The following MID1 variants were observed in gnomAD, a reference collection of about 807,000 sequenced individuals.
MID1 encodes the protein midline 1.
In MID1, 7 loss-of-function variants were observed where a neutral mutation model predicts 40.4. The ratio of observed to expected loss-of-function variants is 0.17; its 90% confidence interval spans 0.10 to 0.33. The LOEUF (loss-of-function observed/expected upper bound fraction) is 0.33. MID1 is among the 10% of genes least tolerant of loss of function. MID1 has a pLI of 1.00. For missense variants in MID1, 367 were observed against 558.5 expected (o/e 0.66, Z 3.46); for synonymous variants, 229 against 221.2 (o/e 1.04, Z -0.31).
At chrX:10,569,195 A>C (rs1222546197) in intron 1 of MID1, among the ~76,000 whole-genome samples, 1 of 112,301 alleles carries the variant, frequency 8.9e-6, no homozygotes, top group Non-Finnish European at 1.9e-5. Flanking sequence ...CTTGCTACCA[A>C]CTGAATGGTA....
At chrX:10,786,423 A>T (rs2147136160) in intron 1 of MID1, among the ~76,000 whole-genome samples, 1 of 111,280 alleles carries the variant, frequency 9.0e-6, no homozygotes, top group Admixed American at 9.5e-5. Context: ...TTCCTCAGGG[A>T]TCTACAACTA....
chrX:10,826,597 G>C (rs1034089380), intron 1 of MID1, among the ~76,000 whole-genome samples: 5 of 112,153 alleles, frequency 4.5e-5, no homozygotes, highest in Non-Finnish European at 9.4e-5. Context: ...ACTGCCTCAA[G>C]TCCTTTCTGT....
chrX:10,824,989 A>G (rs1401066106), intron 1 of MID1, among the ~76,000 whole-genome samples: 3 of 111,749 alleles, frequency 2.7e-5, no homozygotes, highest in African/African-American at 6.5e-5. Flanking sequence ...ACTCTCTCCC[A>G]CACGTTTTTC....
chrX:10,811,034 C>T (rs1351348534), intron 1 of MID1, among the ~76,000 whole-genome samples: 1 of 110,717 alleles, frequency 9.0e-6, no homozygotes, highest in African/African-American at 3.3e-5. Flanking sequence ...TCTCCTTTTC[C>T]TGGGGGCATT....
intron 1 of MID1, among the ~76,000 whole-genome samples, chrX:10,640,933 T>C (rs1356452100): frequency 1.3e-4 from 14 of 111,656 alleles, no homozygotes; most frequent in African/African-American, 4.2e-4. Flanking sequence ...CATAACGAAA[T>C]GAAGGCAGAA....
intron 1 of MID1, among the ~76,000 whole-genome samples, chrX:10,634,576 G>A (rs1361451259): frequency 9.1e-6 from 1 of 109,955 alleles, no homozygotes; most frequent in Non-Finnish European, 1.9e-5. Flanking sequence ...TTTAAAGCCT[G>A]TGCAATTTAG....
rs146658643 is a variant in MID1 at position 10,475,346 on chromosome X, T to C, written c.1014-596A>G. 8.0e-5 allele frequency among the ~76,000 whole-genome samples: 9 copies of C among 112,635 alleles called. No individual in the cohort carries two copies. The East Asian group carries it at 2.5e-3, about 31-fold the overall frequency. ...TCTTTGTATTCATTTTCTTGCACCA[T>C]ATTCCCAGCAGATGCTGTGGAAAAT... is the stretch of plus-strand genomic sequence containing the variant. On this transcript the variant is annotated intron_variant, in intron 5 of 9. Transcript: ENST00000317552.
intron 1 of MID1, among the ~76,000 whole-genome samples, chrX:10,573,420 T>A (rs1934791936): frequency 1.8e-5 from 2 of 111,915 alleles, no homozygotes; most frequent in African/African-American, 6.5e-5. Context: ...TGGGAACTAA[T>A]CCACTCCTGT....
At chrX:10,535,509 G>A (rs932649455) in intron 2 of MID1, among the ~76,000 whole-genome samples, 4 of 111,766 alleles carry the variant, frequency 3.6e-5, no homozygotes, top group East Asian at 5.6e-4. Flanking sequence ...AGTGCTTAGC[G>A]GGGAAACACT....
chrX:10,497,621 A>T (rs557688114), intron 3 of MID1, among the ~76,000 whole-genome samples: 47 of 112,087 alleles, frequency 4.2e-4, no homozygotes, highest in Middle Eastern at 9.2e-3. Flanking sequence ...TCCACGTGAC[A>T]TTGGGAGTTG....
At chrX:10,547,695 G>GA (rs1487217667) in intron 2 of MID1, among the ~76,000 whole-genome samples, 3 of 107,773 alleles carry the variant, frequency 2.8e-5, no homozygotes, top group African/African-American at 6.7e-5. Flanking sequence ...GAAAAGAAAA[G>GA]AAAAAACTAA....
chrX:10,637,218 A>C (rs1936128708), intron 1 of MID1, among the ~76,000 whole-genome samples: 1 of 111,175 alleles, frequency 9.0e-6, no homozygotes, highest in Non-Finnish European at 1.9e-5. Flanking sequence ...TTCTGTGTTC[A>C]CCAAAAAAAA....
chrX:10,556,131 T>A (rs1284354978), intron 2 of MID1, among the ~76,000 whole-genome samples: 1 of 110,931 alleles, frequency 9.0e-6, no homozygotes, highest in Non-Finnish European at 1.9e-5. Flanking sequence ...CCTGAGCTCG[T>A]CTGACTAGTC....
chrX:10,584,170 A>G (rs369865602), intron 1 of MID1, among the ~76,000 whole-genome samples: 1 of 111,684 alleles, frequency 9.0e-6, no homozygotes, highest in East Asian at 2.8e-4. Context: ...GGAAGAACCC[A>G]CTTCCACAAA....
intron 1 of MID1, among the ~76,000 whole-genome samples, chrX:10,803,482 A>G (rs950433323): frequency 9.2e-6 from 1 of 108,226 alleles, no homozygotes; most frequent in African/African-American, 3.4e-5. Flanking sequence ...CCTCCCAAGT[A>G]GCTGGGATTT....
At chrX:10,489,376 G>T (rs1930802668) in intron 4 of MID1, among the ~76,000 whole-genome samples, 1 of 112,176 alleles carries the variant, frequency 8.9e-6, no homozygotes, top group Admixed American at 9.4e-5. Context: ...TTTACATTTA[G>T]ATATATAATC....
chrX:10,567,922 A>T (rs1665764820), intron 1 of MID1, among the ~76,000 whole-genome samples: 2 of 112,192 alleles, frequency 1.8e-5, no homozygotes, highest in Admixed American at 1.9e-4. Flanking sequence ...GTATTTAATC[A>T]GAATAATCTT....
chrX:10,542,617 TG>T (rs1429726332), intron 2 of MID1, among the ~76,000 whole-genome samples: 1 of 112,063 alleles, frequency 8.9e-6, no homozygotes, highest in African/African-American at 3.2e-5. Context: ...ATGTAAAAAA[TG>T]ACCATAGATT....
intron 2 of MID1, among the ~76,000 whole-genome samples, chrX:10,543,465 G>A (rs1933554156): frequency 9.0e-6 from 1 of 111,561 alleles, no homozygotes. Context: ...CATACTACAT[G>A]CCCAGTATTC....
Sources: allele counts gnomAD v4.1 joint callset (sites outside exome capture counted in the v4.1 genomes callset), GRCh38; gene constraint gnomAD v4.1.1; transcripts MANE v1.5; gene names NCBI Gene and HGNC (gene_info 2026-07-23, HGNC 2026-07-21).